Variants in PHF14 observed in about 807,000 individuals in gnomAD.
PHF14 encodes the protein PHD finger protein 14.
A neutral mutation model predicts 117.9 loss-of-function variants in PHF14; 55 were observed. The observed-to-expected ratio is 0.47, with a 90% CI of 0.38 to 0.58. The LOEUF is 0.58. PHF14 is among the 20% of genes least tolerant of loss of function. The pLI is 0.00. For missense variants in PHF14, 978 were observed against 1,122.2 expected (o/e 0.87, Z 1.84); for synonymous variants, 409 against 368.6 (o/e 1.11, Z -1.26).
rs1323794290 is a variant in PHF14, at chr7:10,988,730, C to G, written c.901-1973C>G. ...TTTTGAACCACCTTAACAAGAGATACAGCGGAAAGGAAAAGGCATTGACCA... is the reference window on the plus strand; with the variant it reads ...TTTTGAACCACCTTAACAAGAGATAGAGCGGAAAGGAAAAGGCATTGACCA... On this transcript the variant is annotated intron_variant, in intron 3 of 17. Coordinates refer to ENST00000634607, the MANE Select transcript of PHF14 (RefSeq NM_001007157.2). Among the ~76,000 whole-genome samples, 3 of 152,156 alleles carry G rather than the reference C, an allele frequency of 2.0e-5. No individual in the cohort carries two copies. In the East Asian group the frequency reaches 5.8e-4, roughly 29 times the overall value.
chr7:11,082,739 C>G (rs924092743), intron 16 of PHF14, among the ~76,000 whole-genome samples: 3 of 152,314 alleles, frequency 2.0e-5, no homozygotes, highest in South Asian at 2.1e-4. Context: ...TACTTCCACT[C>G]AGCTATGTCA....
At chr7:11,070,352 A>G (rs1785573166) in intron 16 of PHF14, among the ~76,000 whole-genome samples, 1 of 152,224 alleles carries the variant, frequency 6.6e-6, no homozygotes, top group African/African-American at 2.4e-5. Flanking sequence ...TGGTGGGATT[A>G]CAGGCATGAG....
At chr7:11,066,338 C>T (rs1187058360) in intron 16 of PHF14, among the ~76,000 whole-genome samples, 2 of 152,188 alleles carry the variant, frequency 1.3e-5, no homozygotes, top group African/African-American at 4.8e-5. Flanking sequence ...TGACGCAGTA[C>T]AGCCTCTGCC....
In PHF14 at chr7:11,122,352, T is replaced by TATATATATACACACACACAC; in HGVS notation, c.2772+10886_2772+10887insTATATATACACACACACACA. 7.6e-5 allele frequency among the ~76,000 whole-genome samples: 5 copies of TATATATATACACACACACAC among 65,872 alleles called. No individual in the cohort carries two copies. In the South Asian group the frequency reaches 2.0e-3, roughly 27 times the overall value. 43.2% of individuals were successfully genotyped at this position (65,872 alleles called of 152,430 possible). ...CTTTTTATATATATATATATATATA[T>TATATATATACACACACACAC]ACACACACACACACACACACACACA... On this transcript the variant is annotated intron_variant, in intron 17 of 17. Transcript: ENST00000634607.
intron 4 of PHF14, among the ~76,000 whole-genome samples, chr7:10,997,734 A>G (rs967193300): frequency 5.3e-5 from 8 of 152,222 alleles, no homozygotes; most frequent in Admixed American, 1.3e-4. Context: ...TTCCTACTGC[A>G]TGGACCTCCC....
At chr7:11,011,052 G>C (rs1783338816) in intron 4 of PHF14, among the ~76,000 whole-genome samples, 1 of 152,170 alleles carries the variant, frequency 6.6e-6, no homozygotes, top group African/African-American at 2.4e-5. Context: ...GTAAGTCATA[G>C]CTGCAAACCA....
intron 17 of PHF14, 128 bp from the exon 18 acceptor site, chr7:11,169,288 C>A: frequency 2.1e-6 from 1 of 474,658 alleles, no homozygotes; most frequent in South Asian, 4.1e-5. Flanking sequence ...ATAATTTTAC[C>A]ATTTGTGTTT....
rs142979315 is a variant in PHF14, at chr7:11,105,617, T to C, written c.2655-5733T>C. ...CATACGAAGGCAGAATCATTTTTTC[T>C]ACCTGTCTGAATCAGCACTTTGTAA... On this transcript the variant is annotated intron_variant, in intron 16 of 17. Coordinates refer to ENST00000634607, the MANE Select transcript of PHF14 (RefSeq NM_001007157.2). 1.3e-3 allele frequency: 1,275 copies of C among 984,800 alleles called. 11 individuals are homozygous for C. In the African/African-American group the frequency reaches 0.021, roughly 16 times the overall value. 61.0% of individuals were successfully genotyped at this position (984,800 alleles called of 1,614,324 possible).
chr7:11,113,187 A>T (rs1158392836), intron 17 of PHF14, among the ~76,000 whole-genome samples: 1 of 152,102 alleles, frequency 6.6e-6, no homozygotes, highest in East Asian at 1.9e-4. Flanking sequence ...AGAAGGCTCA[A>T]TAATACTATA....
intron 16 of PHF14, chr7:11,108,306 T>A (rs1289900361): frequency 6.6e-6 from 1 of 151,730 alleles, no homozygotes; most frequent in Non-Finnish European, 1.5e-5. Flanking sequence ...TGTATATTTG[T>A]TTATCACCAA....
intron 16 of PHF14, among the ~76,000 whole-genome samples, chr7:11,066,739 G>A (rs115813944): frequency 1.3e-3 from 195 of 152,134 alleles, no homozygotes; most frequent in African/African-American, 4.4e-3. Flanking sequence ...TTTCAATGTG[G>A]GCTTATTTCT....
At chr7:11,163,415 T>C (rs905506034) in intron 17 of PHF14, among the ~76,000 whole-genome samples, 1 of 152,214 alleles carries the variant, frequency 6.6e-6, no homozygotes, top group Admixed American at 6.5e-5. Flanking sequence ...TTGTATTAAA[T>C]GAAATAAGAA....
At chr7:11,037,130 TC>T in intron 10 of PHF14, 39 bp downstream of exon 10, 1 of 1,432,740 alleles carries the variant, frequency 7.0e-7, no homozygotes, top group Non-Finnish European at 9.3e-7. Flanking sequence ...ATGTGATAGA[TC>T]TTACTGATGA....
intron 4 of PHF14, among the ~76,000 whole-genome samples, chr7:11,011,946 T>G (rs1413127597): frequency 6.6e-6 from 1 of 152,242 alleles, no homozygotes; most frequent in Non-Finnish European, 1.5e-5. Context: ...AATTTCCATT[T>G]ATCAGATTCC....
At chr7:11,046,248 A>G (rs2128325107) in intron 13 of PHF14, among the ~76,000 whole-genome samples, 1 of 152,314 alleles carries the variant, frequency 6.6e-6, no homozygotes, top group South Asian at 2.1e-4. Flanking sequence ...GTAGGATACA[A>G]ATGGTAAGGG....
chr7:11,117,156 T>C (rs1323052278), intron 17 of PHF14, among the ~76,000 whole-genome samples: 1 of 151,946 alleles, frequency 6.6e-6, no homozygotes. Context: ...GATTTAAATA[T>C]CCATCATGTA....
chr7:11,153,120 A>G (rs563271563), intron 17 of PHF14, among the ~76,000 whole-genome samples: 1 of 152,338 alleles, frequency 6.6e-6, no homozygotes, highest in Admixed American at 6.5e-5. Context: ...TGTCTCCTGT[A>G]TAAAGAATAG....
At chr7:11,011,620 G>A (rs1583363252) in intron 4 of PHF14, among the ~76,000 whole-genome samples, 3 of 152,280 alleles carry the variant, frequency 2.0e-5, no homozygotes, top group Admixed American at 2.0e-4. Flanking sequence ...TAATAAATGT[G>A]TCTCAGGAGA....
chr7:11,107,105 T>G (rs1787295381), intron 16 of PHF14: 1 of 982,942 alleles, frequency 1.0e-6, no homozygotes, highest in Non-Finnish European at 1.2e-6. Flanking sequence ...AGTTTACTCC[T>G]CTAATGAAAT....
Sources: gnomAD v4.1 joint callset for allele counts (sites outside exome capture counted in the v4.1 genomes callset) on GRCh38, gnomAD v4.1.1 for gene constraint, MANE v1.5 for transcripts, NCBI Gene and HGNC (gene_info 2026-07-23, HGNC 2026-07-21) for gene names.